The following VCAN variants were observed in gnomAD, a reference collection of about 807,000 sequenced individuals.
The protein encoded by VCAN is versican.
In VCAN, 44 loss-of-function variants were observed where a neutral mutation model predicts 245.5. The ratio of observed to expected loss-of-function variants is 0.18; its 90% confidence interval spans 0.14 to 0.23. The LOEUF is 0.23. VCAN is among the 10% of genes least tolerant of loss of function. The probability of loss-of-function intolerance (pLI) is 1.00; values close to 1 mark genes in which losing one functional copy is unlikely to be tolerated. For synonymous variants in VCAN, 1,413 were observed against 1,437.0 expected, an observed-to-expected ratio of 0.98 and a Z score of 0.38; for missense variants, 3,793 against 4,057.9, an observed-to-expected ratio of 0.93 and a Z score of 1.77.
Position 83,493,818 on chromosome 5 carries a change from C to T in VCAN, c.635C>T (p.Ala212Val). Reference sequence around the variant, plus strand: ...TATTTCCCCAGATATCCCATCCGGGCTCCCAGAGTAGGCTGTTATGGAGAT... The same window carrying T: ...TATTTCCCCAGATATCCCATCCGGGTTCCCAGAGTAGGCTGTTATGGAGAT... Reference protein sequence around the residue: ...ADQTVRYPIRAPRVGCYGDKM... With the variant: ...ADQTVRYPIRVPRVGCYGDKM... Residue 212 changes from alanine (A) to valine (V), a missense_variant, in exon 5 of 15, where the codon GCT (alanine) becomes GTT (valine). Ala to Val is a moderately conservative substitution (Grantham distance 64). Coordinates refer to ENST00000265077, the MANE Select transcript of VCAN (RefSeq NM_004385.5). 1 of 1,614,172 alleles carries T rather than the reference C, an allele frequency of 6.2e-7. No individual in the cohort carries two copies. Among genetic ancestry groups the T allele is most frequent in the Non-Finnish European group, 8.5e-7 (1 of 1,180,012 alleles).
intron 7 of VCAN, among the ~76,000 whole-genome samples, chr5:83,526,648 G>T (rs1028282435): frequency 2.6e-5 from 4 of 152,118 alleles, no homozygotes; most frequent in Non-Finnish European, 5.9e-5. Flanking sequence ...TCAAAAATTG[G>T]TCTGATTATC....
intron 1 of VCAN, among the ~76,000 whole-genome samples, chr5:83,480,216 A>G (rs1224978261): frequency 1.3e-5 from 2 of 152,160 alleles, no homozygotes; most frequent in South Asian, 2.1e-4. Flanking sequence ...CTTAGGGGTA[A>G]TCTTAAGGAA....
chr5:83,535,346 A>G (rs1746664716), intron 7 of VCAN, among the ~76,000 whole-genome samples: 1 of 152,092 alleles, frequency 6.6e-6, no homozygotes, highest in African/African-American at 2.4e-5. Context: ...CCTACACAGA[A>G]GTATTTTAGT....
chr5:83,503,017 A>C (rs1376283298), intron 5 of VCAN, among the ~76,000 whole-genome samples: 1 of 152,202 alleles, frequency 6.6e-6, no homozygotes. Flanking sequence ...TGTGCAGGTT[A>C]AATAATCAAA....
intron 1 of VCAN, among the ~76,000 whole-genome samples, chr5:83,482,730 G>A (rs1744653655): frequency 6.6e-6 from 1 of 152,132 alleles, no homozygotes. Flanking sequence ...GACCCAGATT[G>A]TTAAATGTCT....
At chr5:83,572,655 C>T in intron 13 of VCAN, 95 bp downstream of exon 13, 1 of 1,472,264 alleles carries the variant, frequency 6.8e-7, no homozygotes, top group Admixed American at 1.7e-5. Flanking sequence ...GTTTGAGACA[C>T]AAACTGGATA....
Position 83,522,058 on chromosome 5 carries a change from T to C in VCAN, c.3752T>C (p.Ile1251Thr), listed in dbSNP as rs747443441. The C allele has an allele frequency of 9.3e-6, 15 of 1,614,178 alleles. No individual in the cohort carries two copies. The highest frequency in any genetic ancestry group is 1.1e-5 in the Non-Finnish European group (13 of 1,180,038). Residue 1251 changes from isoleucine (I) to threonine (T), a missense_variant, in exon 7 of 15, where the codon ATT becomes ACT. Coordinates refer to ENST00000265077, the MANE Select transcript of VCAN (RefSeq NM_004385.5). The part of the protein sequence containing the change: ...GEETTSDMVI[I>T]GESTSHVPPT... The stretch of plus-strand genomic sequence containing the variant: ...GAAACAACCAGTGACATGGTAATCA[T>C]TGGAGAATCAACATCTCATGTTCCT...
intron 2 of VCAN, among the ~76,000 whole-genome samples, chr5:83,487,028 C>G (rs552585583): frequency 6.6e-6 from 1 of 152,018 alleles, no homozygotes; most frequent in Non-Finnish European, 1.5e-5. Context: ...TTATTTTAAC[C>G]CAAGAAGAAC....
intron 3 of VCAN, among the ~76,000 whole-genome samples, chr5:83,491,418 A>T (rs1252840418): frequency 3.9e-5 from 6 of 152,200 alleles, no homozygotes; most frequent in Non-Finnish European, 8.8e-5. Context: ...TTTCAGATGC[A>T]ACACATTAAC....
intron 2 of VCAN, among the ~76,000 whole-genome samples, chr5:83,487,492 A>T (rs1744832951): frequency 6.6e-6 from 1 of 152,206 alleles, no homozygotes; most frequent in Non-Finnish European, 1.5e-5. Flanking sequence ...TCTTTTAAAC[A>T]TGCATACTCT....
chr5:83,558,363 C>T (rs1747749571), intron 12 of VCAN, among the ~76,000 whole-genome samples: 1 of 152,104 alleles, frequency 6.6e-6, no homozygotes, highest in Non-Finnish European at 1.5e-5. Flanking sequence ...TGACTGTGTG[C>T]AGTTTTAAGG....
chr5:83,479,828 G>A (rs2112336787), intron 1 of VCAN, among the ~76,000 whole-genome samples: 1 of 152,324 alleles, frequency 6.6e-6, no homozygotes, highest in African/African-American at 2.4e-5. Flanking sequence ...TTCTGAGGCA[G>A]CTAAAGTCAA....
chr5:83,530,424 TA>T (rs1746471803), intron 7 of VCAN, among the ~76,000 whole-genome samples: 2 of 152,086 alleles, frequency 1.3e-5, no homozygotes, highest in Admixed American at 6.6e-5. Flanking sequence ...GTGCAATGAA[TA>T]AAAAATGTAC....
At chr5:83,557,288 T>C (rs1248600018) in intron 12 of VCAN, among the ~76,000 whole-genome samples, 1 of 152,168 alleles carries the variant, frequency 6.6e-6, no homozygotes, top group African/African-American at 2.4e-5. Flanking sequence ...ATTCTTAGCA[T>C]GTATGTGTGT....
At position 83,539,319 on chromosome 5, in the gene VCAN, G is replaced by A. The variant is rs1331255184; in HGVS notation, c.6316G>A (p.Val2106Ile). 3.7e-6 allele frequency: 6 copies of A among 1,613,974 alleles called. No homozygotes were observed. In the African/African-American group the frequency reaches 8.0e-5, roughly 22 times the overall value. Residue 2106 changes from valine (V) to isoleucine (I), a missense_variant, in exon 8 of 15, where the codon GTA becomes ATA. Physicochemically the swap from Val to Ile is conservative, Grantham distance 29. Around this residue, in one of 5 missense-constraint regions of VCAN, gnomAD observed 3,182 missense variants for 3,250.3 expected, o/e 0.98. Transcript: ENST00000265077. ...KLWSRQEVNP[V>I]RQEIESETTS... Reference sequence around the variant, plus strand: ...ATGGTCTAGGCAAGAAGTCAACCCTGTAAGACAAGAAATTGAAAGTGAAAC... The same window carrying A: ...ATGGTCTAGGCAAGAAGTCAACCCTATAAGACAAGAAATTGAAAGTGAAAC...
Position 83,553,475 on chromosome 5 carries a change from C to A in VCAN, c.9605C>A (p.Ala3202Asp). The A allele has an allele frequency of 6.2e-7, 1 of 1,614,084 alleles. No individual in the cohort carries two copies. ...AAERECRLQG[A>D]HLTSILSHEE... ...GAACGGGAATGCCGTCTGCAGGGTG[C>A]CCATCTCACAAGCATCCTGTCTCAC... Residue 3202 changes from alanine to aspartate, a missense_variant, in exon 11 of 15, where the codon GCC (alanine) becomes GAC (aspartate). Around this residue, in one of 5 missense-constraint regions of VCAN, gnomAD observed 205 missense variants for 321.1 expected, o/e 0.64. Transcript: ENST00000265077.
intron 1 of VCAN, among the ~76,000 whole-genome samples, chr5:83,476,389 T>A (rs1744391786): frequency 6.6e-6 from 1 of 152,224 alleles, no homozygotes; most frequent in African/African-American, 2.4e-5. Flanking sequence ...AAAGAAAGAA[T>A]TAATGACTGT....
chr5:83,528,018 T>A (rs932253299), intron 7 of VCAN, among the ~76,000 whole-genome samples: 15 of 152,284 alleles, frequency 9.9e-5, no homozygotes, highest in Non-Finnish European at 1.3e-4. Flanking sequence ...TCAAATTACC[T>A]TCGGGTAAAG....
chr5:83,559,507 G>T (rs1431637268), intron 12 of VCAN, among the ~76,000 whole-genome samples: 1 of 152,098 alleles, frequency 6.6e-6, no homozygotes, highest in Non-Finnish European at 1.5e-5. Context: ...ACTCCTGGGC[G>T]GCTTTGCCTG....
Sources: gnomAD v4.1 joint callset for allele counts (sites outside exome capture counted in the v4.1 genomes callset) on GRCh38, gnomAD v4.1.1 for gene constraint, gnomAD v4.1.1 regional missense constraint, MANE v1.5 for transcripts, NCBI Gene and HGNC (gene_info 2026-07-23, HGNC 2026-07-21) for gene names.